Variants in ABCC1 observed in about 807,000 individuals in gnomAD.
The protein encoded by ABCC1 is ATP binding cassette subfamily C member 1 (ABCC1 blood group), also known as multidrug resistance-associated protein 1.
ABCC1 carries 83 observed loss-of-function variants against 172.9 expected under a neutral mutation model. The ratio of observed to expected loss-of-function variants is 0.48; its 90% confidence interval spans 0.40 to 0.58. ABCC1 has a LOEUF of 0.58. ABCC1 is among the 20% of genes least tolerant of loss of function. The pLI is 0.00. For synonymous variants in ABCC1, 937 were observed against 825.2 expected (o/e 1.14, Z -2.32); for missense variants, 1,817 against 2,002.7 (o/e 0.91, Z 1.77).
At chr16:16,050,357 G>A (rs2049376372) in intron 10 of ABCC1, among the ~76,000 whole-genome samples, 1 of 152,054 alleles carries the variant, frequency 6.6e-6, no homozygotes, top group Non-Finnish European at 1.5e-5. Flanking sequence ...TACTTGGGTG[G>A]CTGAGGCAGG....
rs369876570 is a variant in ABCC1, at chr16:16,115,010, C to T, written c.3324C>T (p.Ile1108=). The T allele has an allele frequency of 1.6e-5, 26 of 1,614,090 alleles. No individual in the cohort carries two copies. Among genetic ancestry groups the T allele is most frequent in the Non-Finnish European group, 2.1e-5 (25 of 1,180,040 alleles). The change falls in exon 23 of 31, where the codon ATC becomes ATT. Residue 1108 remains isoleucine (I), a synonymous_variant. Coordinates refer to ENST00000399410, the MANE Select transcript of ABCC1 (RefSeq NM_004996.4). ...LFNVIGACIV[I]LLATPIAAII... ...ACGTCATTGGTGCCTGCATCGTTAT[C>T]CTGCTGGCCACGCCCATCGCCGCCA...
At chr16:16,055,978 A>C (rs529771117) in intron 11 of ABCC1, 114 bp from the exon 12 acceptor site, 46 of 934,970 alleles carry the variant, frequency 4.9e-5, no homozygotes, top group Non-Finnish European at 6.2e-5. Context: ...AATATAAAAA[A>C]CATTTACATG....
At chr16:16,122,252 G>T (rs896809102) in intron 24 of ABCC1, 78 bp downstream of exon 24, 2 of 1,509,898 alleles carry the variant, frequency 1.3e-6, no homozygotes, top group Non-Finnish European at 1.8e-6. Context: ...TCTTTTCCTC[G>T]CACCTTGAGC....
At chr16:15,981,920 C>T (rs2046629161) in intron 1 of ABCC1, among the ~76,000 whole-genome samples, 2 of 152,178 alleles carry the variant, frequency 1.3e-5, no homozygotes, top group Admixed American at 1.3e-4. Flanking sequence ...AATCATCTCT[C>T]TCAAGTTCTA....
intron 1 of ABCC1, among the ~76,000 whole-genome samples, chr16:15,992,897 C>T (rs749511860): frequency 6.6e-6 from 1 of 152,132 alleles, no homozygotes; most frequent in African/African-American, 2.4e-5. Flanking sequence ...ATCCTCCCCC[C>T]ACCCCACCCC....
chr16:15,989,231 T>TA (rs2046807417), intron 1 of ABCC1, among the ~76,000 whole-genome samples: 2 of 152,056 alleles, frequency 1.3e-5, no homozygotes, highest in Non-Finnish European at 2.9e-5. Flanking sequence ...CCTGTGATGT[T>TA]ACTGGGCTTT....
intron 17 of ABCC1, among the ~76,000 whole-genome samples, chr16:16,085,169 C>T (rs1326419795): frequency 6.6e-6 from 1 of 152,174 alleles, no homozygotes; most frequent in Non-Finnish European, 1.5e-5. Flanking sequence ...CTCTGCCTCT[C>T]ACCACTGCAG....
Position 16,014,802 on chromosome 16 carries a change from A to C in ABCC1, c.489+174A>C, listed in dbSNP as rs139695938. On this transcript the variant is annotated intron_variant, in intron 4 of 30. Transcript: ENST00000399410. Reference sequence around the variant, plus strand: ...TACCCCACCAAATCCTCACTAAATCAGCCCCAGCCTTTTTTCTAGCACCTC... The same window carrying C: ...TACCCCACCAAATCCTCACTAAATCCGCCCCAGCCTTTTTTCTAGCACCTC... 2.0e-3 allele frequency among the ~76,000 whole-genome samples: 299 copies of C among 152,244 alleles called. 3 individuals carry two copies. The South Asian group carries it at 0.041, about 21-fold the overall frequency.
intron 1 of ABCC1, among the ~76,000 whole-genome samples, chr16:15,978,638 C>G (rs2046548198): frequency 6.6e-6 from 1 of 152,036 alleles, no homozygotes; most frequent in Non-Finnish European, 1.5e-5. Context: ...CTGATACAAG[C>G]AAAGCTCAGT....
intron 5 of ABCC1, among the ~76,000 whole-genome samples, chr16:16,020,325 G>T (rs188273650): frequency 3.3e-5 from 5 of 152,276 alleles, no homozygotes; most frequent in Non-Finnish European, 7.3e-5. Flanking sequence ...AGAACACTTT[G>T]ATTGGCTGAC....
At chr16:16,115,862 T>C in intron 23 of ABCC1, among the ~76,000 whole-genome samples, 1 of 152,040 alleles carries the variant, frequency 6.6e-6, no homozygotes, top group Non-Finnish European at 1.5e-5. Context: ...ATTTAAAAAA[T>C]CTTACCATAT....
intron 29 of ABCC1, 93 bp from the exon 30 acceptor site, chr16:16,138,271 T>A: frequency 8.3e-7 from 1 of 1,209,300 alleles, no homozygotes; most frequent in Non-Finnish European, 1.1e-6. Flanking sequence ...CAACATAGAG[T>A]GTCTCCTTTC....
At chr16:16,032,520 C>T (rs1445964560) in intron 5 of ABCC1, among the ~76,000 whole-genome samples, 1 of 152,142 alleles carries the variant, frequency 6.6e-6, no homozygotes, top group South Asian at 2.1e-4. Context: ...TCAGGAAATA[C>T]TTGTTGGATG....
chr16:15,976,310 C>T (rs1019957254), intron 1 of ABCC1, among the ~76,000 whole-genome samples: 5 of 152,262 alleles, frequency 3.3e-5, no homozygotes, highest in African/African-American at 9.6e-5. Context: ...ATCGTTAAGG[C>T]TTCTTTGGCA....
chr16:16,108,273 CTTTTTTT>C (rs79826916), intron 21 of ABCC1, among the ~76,000 whole-genome samples: 3 of 106,334 alleles, frequency 2.8e-5, no homozygotes, highest in South Asian at 6.1e-4. Context: ...TTCTTTGTGT[CTTTTTTT>C]TTTTTTTTTT....
In ABCC1 at chr16:16,079,818, GT is replaced by G. The variant is rs796877584; in HGVS notation, c.2115+353del. ...TTATTATTATTATCATTATTATTGT[GT>G]TTTTTTTTTTTTGAGACAGGGTCAG... On this transcript the variant is annotated intron_variant, in intron 16 of 30. Coordinates refer to ENST00000399410, the MANE Select transcript of ABCC1 (RefSeq NM_004996.4). Among the ~76,000 whole-genome samples, 145 of 140,616 alleles carry G rather than the reference GT, an allele frequency of 1.0e-3. 1 individual carries two copies. The highest frequency in any genetic ancestry group is 1.5e-3 in the Admixed American group (21 of 13,902). 92.2% of individuals were successfully genotyped at this position (140,616 alleles called of 152,430 possible).
At chr16:15,965,197 T>C (rs2046217031) in intron 1 of ABCC1, among the ~76,000 whole-genome samples, 1 of 152,198 alleles carries the variant, frequency 6.6e-6, no homozygotes, top group Non-Finnish European at 1.5e-5. Context: ...CCTATAAATG[T>C]CCAATCGATA....
intron 1 of ABCC1, among the ~76,000 whole-genome samples, chr16:16,004,777 C>T (rs1464257569): frequency 2.0e-5 from 3 of 151,246 alleles, no homozygotes; most frequent in Non-Finnish European, 2.9e-5. Flanking sequence ...GCCTGAGCCT[C>T]CCTACTAGCT....
intron 1 of ABCC1, among the ~76,000 whole-genome samples, chr16:15,991,159 C>T (rs1482823446): frequency 6.6e-6 from 1 of 152,046 alleles, no homozygotes; most frequent in African/African-American, 2.4e-5. Context: ...CTGCTGTCGT[C>T]TCTAGTTCAG....
Sources: allele counts gnomAD v4.1 joint callset (sites outside exome capture counted in the v4.1 genomes callset), GRCh38; gene constraint gnomAD v4.1.1; transcripts MANE v1.5; gene names NCBI Gene and HGNC (gene_info 2026-07-23, HGNC 2026-07-21).